Variants in BAZ1B observed in about 807,000 individuals in gnomAD.
BAZ1B encodes the protein tyrosine-protein kinase BAZ1B.
Under a neutral mutation model 153.8 loss-of-function variants are expected in BAZ1B, and 22 were observed. The observed-to-expected ratio is 0.14, with a 90% CI of 0.10 to 0.20. BAZ1B has a LOEUF of 0.20. Among genes scored for constraint, BAZ1B ranks in the 10% least tolerant of loss-of-function variants. BAZ1B has a pLI of 1.00. For synonymous variants in BAZ1B, 676 were observed against 633.4 expected (o/e 1.07, Z -1.01); for missense variants, 1,325 against 1,799.3 (o/e 0.74, Z 4.77).
intron 19 of BAZ1B, 23 bp downstream of exon 19, chr7:73,442,158 T>TCCCCCCCCCC: frequency 2.2e-6 from 1 of 456,502 alleles, no homozygotes; most frequent in Non-Finnish European, 4.2e-6. Context: ...TCCCTAGCTG[T>TCCCCCCCCCC]CCCCCCACCT....
intron 4 of BAZ1B, among the ~76,000 whole-genome samples, chr7:73,497,129 G>A (rs1307848714): frequency 6.7e-6 from 1 of 149,302 alleles, no homozygotes; most frequent in African/African-American, 2.5e-5. Context: ...TACGGTCCCA[G>A]CTACTTGGGA....
chr7:73,466,040 A>G (rs1174306498), intron 10 of BAZ1B, among the ~76,000 whole-genome samples: 1 of 152,210 alleles, frequency 6.6e-6, no homozygotes, highest in Non-Finnish European at 1.5e-5. Flanking sequence ...CTACTGCTAT[A>G]TAAGATCTAT....
At chr7:73,510,286 G>A (rs556513716) in intron 2 of BAZ1B, among the ~76,000 whole-genome samples, 7 of 151,624 alleles carry the variant, frequency 4.6e-5, no homozygotes, top group Non-Finnish European at 7.4e-5. Context: ...AAAATTATCC[G>A]GGCTTGGTGG....
intron 7 of BAZ1B, among the ~76,000 whole-genome samples, chr7:73,476,547 A>T (rs1210898637): frequency 6.6e-6 from 1 of 152,148 alleles, no homozygotes; most frequent in East Asian, 1.9e-4. Flanking sequence ...CAGAGCTAGA[A>T]CCTGAACCCA....
chr7:73,501,195 G>A (rs1302720248), intron 3 of BAZ1B, among the ~76,000 whole-genome samples: 1 of 152,076 alleles, frequency 6.6e-6, no homozygotes, highest in East Asian at 1.9e-4. Context: ...TGCGGAGGTT[G>A]CGGTGAGCCA....
intron 4 of BAZ1B, 105 bp downstream of exon 4, chr7:73,498,392 C>T: frequency 9.5e-7 from 1 of 1,057,642 alleles, no homozygotes; most frequent in Admixed American, 2.1e-5. Flanking sequence ...ATCATGTCTA[C>T]ATAAAAAATC....
chr7:73,476,894 C>T lies in BAZ1B; in HGVS notation c.2567G>A (p.Arg856Gln). The change falls in exon 7 of 20, where the codon CGG becomes CAG. Residue 856 changes from arginine (R) to glutamine (Q), a missense_variant. By Grantham distance (43) the Arg-to-Gln change is conservative. Around this residue, in one of 9 missense-constraint regions of BAZ1B, gnomAD observed 431 missense variants for 563.5 expected, o/e 0.76. Coordinates refer to ENST00000339594, the MANE Select transcript of BAZ1B (RefSeq NM_032408.4). ...TTTCATTTCTCTTTCCTGGATTTCC[C>T]GTTCCTTCTTAGCTTGAATGGCAAG... ...RLLAIQAKKE[R>Q]EIQEREMKVK... 2.5e-6 allele frequency: 4 copies of T among 1,598,370 alleles called. No homozygotes were observed. The highest frequency in any genetic ancestry group is 3.4e-6 in the Non-Finnish European group (4 of 1,174,776).
rs782623847 is a variant in BAZ1B, at chr7:73,510,897, G to A, written c.108-45C>T. ...AAAACAATATGCAAGCAACAGAGAC[G>A]ACAAACCCATACCCATAAGATACTT... is the stretch of plus-strand genomic sequence containing the variant. On this transcript the variant is annotated intron_variant, in intron 1 of 19. Transcript: ENST00000339594. 32 of 1,496,808 alleles carry A rather than the reference G, an allele frequency of 2.1e-5. 1 individual carries two copies. The highest frequency in any genetic ancestry group is 3.4e-5 in the Admixed American group (2 of 59,376). The allele number at this position is 1,496,808 out of a possible 1,614,324, so 92.7% of individuals were successfully genotyped here.
chr7:73,508,475 A>C lies in BAZ1B; in HGVS notation c.225-4T>G. 1 of 1,602,318 alleles carries C rather than the reference A, an allele frequency of 6.2e-7. No homozygotes were observed. The highest frequency in any genetic ancestry group is 1.1e-5 in the South Asian group (1 of 88,716). ...GGCAGGAAACTCCTCCTTCAAACTAAATAAATGTAATTAGTTATCAAGAAA... is the reference window on the plus strand; with the variant it reads ...GGCAGGAAACTCCTCCTTCAAACTACATAAATGTAATTAGTTATCAAGAAA... On this transcript the variant is annotated splice_polypyrimidine_tract_variant and splice_region_variant and intron_variant, in intron 2 of 19. Coordinates refer to ENST00000339594, the MANE Select transcript of BAZ1B (RefSeq NM_032408.4).
At position 73,498,587 on chromosome 7, in the gene BAZ1B, TTGA is replaced by T; in HGVS notation, c.478_480del (p.Ser161del). The T allele has an allele frequency of 6.2e-7, 1 of 1,614,100 alleles. No individual in the cohort carries two copies. The highest frequency in any genetic ancestry group is 8.5e-7 in the Non-Finnish European group (1 of 1,179,972). ...ATCTGACTGGAGTTCTCTTTGTCAC[TTGA>T]TGGAGAATCACAGGCACCATCAGAT... On this transcript the variant is annotated inframe_deletion, in exon 4 of 20. Transcript: ENST00000339594.
chr7:73,471,734 T>C (rs1554572031), intron 7 of BAZ1B, among the ~76,000 whole-genome samples: 1 of 152,194 alleles, frequency 6.6e-6, no homozygotes, highest in African/African-American at 2.4e-5. Context: ...TCTAAAGATG[T>C]TACTTTAAAA....
intron 3 of BAZ1B, among the ~76,000 whole-genome samples, chr7:73,499,695 CT>C (rs1477387242): frequency 2.0e-5 from 3 of 152,192 alleles, no homozygotes; most frequent in Non-Finnish European, 4.4e-5. Context: ...GGGTGAGACC[CT>C]ATCTTGGGGC....
intron 3 of BAZ1B, 112 bp from the exon 4 acceptor site, chr7:73,498,810 A>C (rs1011030384): frequency 1.3e-5 from 12 of 919,572 alleles, no homozygotes; most frequent in Non-Finnish European, 2.0e-5. Context: ...AAGGTGATTG[A>C]AACAGTAAAG....
intron 1 of BAZ1B, 66 bp from the exon 2 acceptor site, chr7:73,510,918 T>A (rs1186714531): frequency 7.8e-7 from 1 of 1,282,616 alleles, no homozygotes. Context: ...ACCCATAAGA[T>A]ACTTATATAC....
intron 5 of BAZ1B, among the ~76,000 whole-genome samples, chr7:73,489,872 CAA>C (rs1226771234): frequency 2.0e-5 from 3 of 152,148 alleles, no homozygotes; most frequent in African/African-American, 7.2e-5. Flanking sequence ...CAATATGTAT[CAA>C]AGTTTTCTAA....
At chr7:73,497,176 G>C (rs1176835859) in intron 4 of BAZ1B, among the ~76,000 whole-genome samples, 2 of 150,634 alleles carry the variant, frequency 1.3e-5, no homozygotes, top group Non-Finnish European at 1.5e-5. Context: ...CAGGAATGTC[G>C]AGGCTGCAGT....
At chr7:73,492,377 T>C (rs1359859844) in intron 5 of BAZ1B, among the ~76,000 whole-genome samples, 2 of 152,036 alleles carry the variant, frequency 1.3e-5, no homozygotes, top group East Asian at 1.9e-4. Context: ...TTAGCCGGGA[T>C]GGTCTCGATC....
At chr7:73,474,845 G>A (rs556623520) in intron 7 of BAZ1B, among the ~76,000 whole-genome samples, 2 of 152,152 alleles carry the variant, frequency 1.3e-5, no homozygotes, top group African/African-American at 4.8e-5. Context: ...ATCAGACAGA[G>A]AATTGTATCT....
rs200219180 is a variant in BAZ1B at position 73,442,802 on chromosome 7, C to G, written c.4017G>C (p.Arg1339=). ...ELVLQTKRSS[R]RQSLELQKCE... The stretch of plus-strand genomic sequence containing the variant: ...ACTTCTGCAGCTCCAGGCTTTGCCT[C>G]CGGGAGCTCCGCTTGGTCTGAAGCA... The change falls in exon 18 of 20, where the codon CGG becomes CGC. Residue 1339 remains arginine (R), a synonymous_variant. Transcript: ENST00000339594. 1.2e-6 allele frequency: 2 copies of G among 1,614,048 alleles called. No homozygotes were observed. Among genetic ancestry groups the G allele is most frequent in the Admixed American group, 3.3e-5 (2 of 60,010 alleles).
Sources: gnomAD v4.1 joint callset for allele counts (sites outside exome capture counted in the v4.1 genomes callset) on GRCh38, gnomAD v4.1.1 for gene constraint, gnomAD v4.1.1 regional missense constraint, MANE v1.5 for transcripts, NCBI Gene and HGNC (gene_info 2026-07-23, HGNC 2026-07-21) for gene names.